Variants in NBPF26 observed in about 807,000 individuals in gnomAD.
The protein encoded by NBPF26 is NBPF member 26, also known as NBPF family member NBPF26.
In NBPF26, 79 loss-of-function variants were observed where a neutral mutation model predicts 119.6. That is an observed-to-expected ratio of 0.66 (90% CI 0.55 to 0.80). NBPF26 has a LOEUF of 0.80. Ranked by LOEUF, NBPF26 falls within the 30% of genes least tolerant of loss-of-function variation. The pLI, the probability that NBPF26 is intolerant of heterozygous loss-of-function variation, is 0.00. For synonymous variants in NBPF26, 299 were observed against 457.7 expected (o/e 0.65, Z 4.43); for missense variants, 800 against 1,198.2 (o/e 0.67, Z 4.91).
chr1:120,733,256 C>A (rs1235584166), intron 1 of NBPF26, among the ~76,000 whole-genome samples: 1 of 89,610 alleles, frequency 1.1e-5, no homozygotes, highest in Non-Finnish European at 2.0e-5. Context: ...ATTACTTAAT[C>A]TTAATATGCC....
rs1270677884 is a variant in NBPF26 at position 120,817,061 on chromosome 1, C to T, written c.2371+234C>T. ...TGACAATCTCATAGTCACCTGAGTG[C>T]AGGAGGTGCACAGGCAGTATCTGTC... On this transcript the variant is annotated intron_variant, in intron 14 of 29. Coordinates refer to ENST00000620612, the Ensembl canonical transcript of NBPF26. 1.4e-4 allele frequency among the ~76,000 whole-genome samples: 16 copies of T among 117,984 alleles called. 1 individual carries two copies. In the South Asian group the frequency reaches 3.4e-3, roughly 25 times the overall value. 77.4% of individuals were successfully genotyped at this position (117,984 alleles called of 152,430 possible). A position where few individuals can be genotyped will look rare whatever the true frequency, so the allele number is the denominator to read the frequency against.
At position 120,803,371 on chromosome 1, in the gene NBPF26, G is replaced by A. The variant is rs1245604421; in HGVS notation, c.752-2185G>A. Among the ~76,000 whole-genome samples, 11 of 130,192 alleles carry A rather than the reference G, an allele frequency of 8.4e-5. 1 individual carries two copies. The highest frequency in any genetic ancestry group is 4.5e-4 in the South Asian group (2 of 4,406). 85.4% of individuals were successfully genotyped at this position (130,192 alleles called of 152,430 possible). A position where few individuals can be genotyped will look rare whatever the true frequency, so the allele number is the denominator to read the frequency against. On this transcript the variant is annotated intron_variant, in intron 4 of 29. Coordinates refer to ENST00000620612, the Ensembl canonical transcript of NBPF26. Reference sequence around the variant, plus strand: ...AGAATCATTGGTATTCCATAGAAGAGTGAATTAAACACAGCCAAGGGAAGA... The same window carrying A: ...AGAATCATTGGTATTCCATAGAAGAATGAATTAAACACAGCCAAGGGAAGA...
intron 15 of NBPF26, among the ~76,000 whole-genome samples, chr1:120,819,361 G>T (rs1330957719): frequency 1.8e-5 from 2 of 111,116 alleles, no homozygotes; most frequent in Non-Finnish European, 3.4e-5. Context: ...TTTATTTTGA[G>T]CCTATGTGTG....
In NBPF26 at chr1:120,812,215, G is replaced by C. The variant is rs1475394912; in HGVS notation, c.1774+120G>C. The C allele has an allele frequency of 4.5e-6, 3 of 664,618 alleles. 1 individual carries two copies. Among genetic ancestry groups the C allele is most frequent in the African/African-American group, 7.4e-5 (2 of 27,006 alleles). 41.2% of individuals were successfully genotyped at this position (664,618 alleles called of 1,614,324 possible). A position where few individuals can be genotyped will look rare whatever the true frequency, so the allele number is the denominator to read the frequency against. ...TCCTCCCCGTACTTCTAGGAAAACA[G>C]AAATGGGTATTTTAACATTTTGTCA... On this transcript the variant is annotated intron_variant, in intron 10 of 29. Transcript: ENST00000620612.
At chr1:120,727,352 A>G in intron 1 of NBPF26, among the ~76,000 whole-genome samples, 1 of 112,926 alleles carries the variant, frequency 8.9e-6, no homozygotes, top group East Asian at 2.2e-4. Context: ...AAATTTCCAT[A>G]ACAAATGTAA....
rs1652017639 is a variant in NBPF26 at position 120,816,821 on chromosome 1, A to T, written c.2365A>T (p.Ile789Phe). 2 of 1,447,030 alleles carry T rather than the reference A, an allele frequency of 1.4e-6. 1 individual carries two copies. The highest frequency in any genetic ancestry group is 5.1e-5 in the African/African-American group (2 of 38,886). 89.6% of individuals were successfully genotyped at this position (1,447,030 alleles called of 1,614,324 possible). Residue 789 changes from isoleucine (I) to phenylalanine (F), a missense_variant, in exon 14 of 30, where the codon ATT (isoleucine) becomes TTT (phenylalanine). By Grantham distance (21) the Ile-to-Phe change is conservative. This residue lies in a region of NBPF26 where 59 missense variants were observed against 112.3 expected (regional missense o/e 0.53). Coordinates refer to ENST00000620612, the Ensembl canonical transcript of NBPF26. ...TGAATGGGAGGATGCTGTACACATTATTCCAGGTAGCCTCTGTTTTCCTTG... is the reference window on the plus strand; with the variant it reads ...TGAATGGGAGGATGCTGTACACATTTTTCCAGGTAGCCTCTGTTTTCCTTG...
chr1:120,724,367 G>A lies in NBPF26; in HGVS notation c.73+117G>A, dbSNP rs2101332413. 4 of 1,350,256 alleles carry A rather than the reference G, an allele frequency of 3.0e-6. 1 individual carries two copies. Among genetic ancestry groups the A allele is most frequent in the South Asian group, 2.7e-5 (2 of 75,284 alleles). 83.6% of individuals were successfully genotyped at this position (1,350,256 alleles called of 1,614,324 possible). A position where few individuals can be genotyped will look rare whatever the true frequency, so the allele number is the denominator to read the frequency against. On this transcript the variant is annotated intron_variant, in intron 1 of 29. Transcript: ENST00000620612. ...GGCCAGGCTCGGCCGCCGGCGCGGAGTGAGGCCACTCGCTGGGTTCCCAAG... is the reference window on the plus strand; with the variant it reads ...GGCCAGGCTCGGCCGCCGGCGCGGAATGAGGCCACTCGCTGGGTTCCCAAG...
rs1335331095 is a variant in NBPF26, at chr1:120,724,651, A to C, written c.73+401A>C. On this transcript the variant is annotated intron_variant, in intron 1 of 29. Coordinates refer to ENST00000620612, the Ensembl canonical transcript of NBPF26. ...GAGGGGCTGAGCGAAGGAATGCCAG[A>C]TTCTGGCGTGGAGAGCGGGGGCAGG... Among the ~76,000 whole-genome samples the C allele has an allele frequency of 2.1e-3, 259 of 122,940 alleles. 58 individuals carry two copies. The highest frequency in any genetic ancestry group is 3.7e-3 in the Non-Finnish European group (225 of 60,958). 80.7% of individuals were successfully genotyped at this position (122,940 alleles called of 152,430 possible).
chr1:120,801,826 CAAAAAAA>C (rs1168359637), intron 4 of NBPF26, among the ~76,000 whole-genome samples: 2 of 9,080 alleles, frequency 2.2e-4, no homozygotes, highest in Non-Finnish European at 3.1e-4. Flanking sequence ...GACCCTGTCT[CAAAAAAA>C]AAAAAAAAAA....
In NBPF26 at chr1:120,812,082, G is replaced by A. The variant is rs1302860341; in HGVS notation, c.1761G>A (p.Gln587=). ...AACTGGCCGGCTTCCTGGCCAACCA[G>A]CAGAACAAATACAGTAAGATCTATT... The change falls in exon 10 of 30, where the codon CAG becomes CAA. Residue 587 remains glutamine (Q), a synonymous_variant. Transcript: ENST00000620612. The A allele has an allele frequency of 5.4e-5, 66 of 1,231,650 alleles. 11 individuals are homozygous for A. Among genetic ancestry groups the A allele is most frequent in the South Asian group, 2.3e-4 (18 of 78,322 alleles). The allele number at this position is 1,231,650 out of a possible 1,614,324, so 76.3% of individuals were successfully genotyped here. A position where few individuals can be genotyped will look rare whatever the true frequency, so the allele number is the denominator to read the frequency against.
At position 120,814,685 on chromosome 1, in the gene NBPF26, G is replaced by T. The variant is rs1415275888; in HGVS notation, c.1878-144G>T. On this transcript the variant is annotated intron_variant, in intron 11 of 29. Coordinates refer to ENST00000620612, the Ensembl canonical transcript of NBPF26. ...TAAACCATTTTCTATTCTTTCTCTT[G>T]GCCACAGACATTCCTTTAAACATGT... The T allele has an allele frequency of 1.4e-5, 9 of 621,540 alleles. 2 individuals carry two copies. The highest frequency in any genetic ancestry group is 2.5e-5 in the Non-Finnish European group (9 of 354,296). 38.5% of individuals were successfully genotyped at this position (621,540 alleles called of 1,614,324 possible).
chr1:120,727,418 A>G lies in NBPF26; in HGVS notation c.73+3168A>G, dbSNP rs1474055101. Among the ~76,000 whole-genome samples, 38 of 116,946 alleles carry G rather than the reference A, an allele frequency of 3.2e-4. 5 individuals are homozygous for G. Among genetic ancestry groups the G allele is most frequent in the African/African-American group, 1.5e-3 (30 of 19,860 alleles). 76.7% of individuals were successfully genotyped at this position (116,946 alleles called of 152,430 possible). A position where few individuals can be genotyped will look rare whatever the true frequency, so the allele number is the denominator to read the frequency against. Reference sequence around the variant, plus strand: ...ACTCAAGAATTTTAAAATTGCTAACATAAGAGATATAGAATATAATGTCAT... The same window carrying G: ...ACTCAAGAATTTTAAAATTGCTAACGTAAGAGATATAGAATATAATGTCAT... On this transcript the variant is annotated intron_variant, in intron 1 of 29. Coordinates refer to ENST00000620612, the Ensembl canonical transcript of NBPF26.
In NBPF26 at chr1:120,790,014, T is replaced by A. The variant is rs1237426607; in HGVS notation, c.416-3147T>A. On this transcript the variant is annotated intron_variant, in intron 3 of 29. Coordinates refer to ENST00000620612, the Ensembl canonical transcript of NBPF26. Reference sequence around the variant, plus strand: ...GTTCTGCAAGATTCTGATCACCTTTTTTTTTTTTTTTTTTTTTTTTGAGAT... The same window carrying A: ...GTTCTGCAAGATTCTGATCACCTTTATTTTTTTTTTTTTTTTTTTTGAGAT... Among the ~76,000 whole-genome samples the A allele has an allele frequency of 8.4e-5, 5 of 59,654 alleles. 1 individual carries two copies. Among genetic ancestry groups the A allele is most frequent in the South Asian group, 4.9e-4 (1 of 2,040 alleles). The allele number at this position is 59,654 out of a possible 152,430, so 39.1% of individuals were successfully genotyped here.
At position 120,750,306 on chromosome 1, in the gene NBPF26, C is replaced by T. The variant is rs1651009069; in HGVS notation, c.74-13322C>T. ...TGTTGTTGTGGGGATCAAACGAGAT[C>T]ACTGTTTATGAGCAGCCTTCTCAGG... On this transcript the variant is annotated intron_variant, in intron 1 of 29. Coordinates refer to ENST00000620612, the Ensembl canonical transcript of NBPF26. 6.6e-5 allele frequency among the ~76,000 whole-genome samples: 2 copies of T among 30,132 alleles called. 1 individual carries two copies. Among genetic ancestry groups the T allele is most frequent in the Non-Finnish European group, 1.2e-4 (2 of 16,984 alleles). The allele number at this position is 30,132 out of a possible 152,430, so 19.8% of individuals were successfully genotyped here. A position where few individuals can be genotyped will look rare whatever the true frequency, so the allele number is the denominator to read the frequency against.
chr1:120,811,951 G>T lies in NBPF26; in HGVS notation c.1630G>T (p.Glu544Ter). ...GGTATCAGCCGGCCCTTTGTCCGGC[G>T]AGAAGGCAGCGATAAACATTCTAGA... The change falls in exon 10 of 30, where the codon GAG becomes TAG. Residue 544 changes from glutamate to a stop codon, truncating the protein, a stop_gained. Transcript: ENST00000620612. LOFTEE classifies it high-confidence loss of function. 8.2e-7 allele frequency: 1 copy of T among 1,225,318 alleles called. No homozygotes were observed. Among genetic ancestry groups the T allele is most frequent in the South Asian group, 1.3e-5 (1 of 78,194 alleles). 75.9% of individuals were successfully genotyped at this position (1,225,318 alleles called of 1,614,324 possible). A position where few individuals can be genotyped will look rare whatever the true frequency, so the allele number is the denominator to read the frequency against.
In NBPF26 at chr1:120,801,305, G is replaced by A. The variant is rs1445831038; in HGVS notation, c.752-4251G>A. On this transcript the variant is annotated intron_variant, in intron 4 of 29. Coordinates refer to ENST00000620612, the Ensembl canonical transcript of NBPF26. The stretch of plus-strand genomic sequence containing the variant: ...TGCAAGAAGTGGGGAATTGGAGAGT[G>A]ACTGCCCATAGGTACAGGCATGCTT... Among the ~76,000 whole-genome samples, 3 of 120,098 alleles carry A rather than the reference G, an allele frequency of 2.5e-5. 1 individual carries two copies. The highest frequency in any genetic ancestry group is 1.2e-4 in the African/African-American group (3 of 24,256). The allele number at this position is 120,098 out of a possible 152,430, so 78.8% of individuals were successfully genotyped here.
chr1:120,759,267 C>CTTT (rs1169932555), intron 1 of NBPF26, among the ~76,000 whole-genome samples: 2 of 33,286 alleles, frequency 6.0e-5, no homozygotes, highest in Non-Finnish European at 5.0e-5. Context: ...CTTCTTTTTG[C>CTTT]TTTTTTTTTT....
chr1:120,724,037 G>A lies in NBPF26; in HGVS notation c.-141G>A. On this transcript the variant is annotated 5_prime_UTR_variant, in exon 1 of 30. Coordinates refer to ENST00000620612, the Ensembl canonical transcript of NBPF26. ...GGCATTTGCACCTGGGCTTCGGAGCGTAGCGCCAGGGCCTGAGCCTTTGAA... is the reference window on the plus strand; with the variant it reads ...GGCATTTGCACCTGGGCTTCGGAGCATAGCGCCAGGGCCTGAGCCTTTGAA... 3.2e-6 allele frequency: 4 copies of A among 1,251,084 alleles called. 1 individual carries two copies. Among genetic ancestry groups the A allele is most frequent in the Non-Finnish European group, 3.0e-6 (3 of 991,778 alleles). 77.5% of individuals were successfully genotyped at this position (1,251,084 alleles called of 1,614,324 possible).
At chr1:120,840,902 C>T, downstream of NBPF26, 4 of 435,862 alleles carry the variant, frequency 9.2e-6, 1 homozygote, top group Admixed American at 8.0e-5. Context: ...ATTTTGCAGG[C>T]ATGTCTCTGA....
Sources: gnomAD v4.1 joint callset for allele counts (sites outside exome capture counted in the v4.1 genomes callset) on GRCh38, gnomAD v4.1.1 for gene constraint, gnomAD v4.1.1 regional missense constraint, MANE v1.5 for transcripts, NCBI Gene and HGNC (gene_info 2026-07-23, HGNC 2026-07-21) for gene names.